Variants in RNGTT observed in about 807,000 individuals in gnomAD.
RNGTT encodes RNA guanylyltransferase and 5'-phosphatase.
Under a neutral mutation model 79.3 loss-of-function variants are expected in RNGTT, and 33 were observed. The observed-to-expected ratio is 0.42, with a 90% CI of 0.32 to 0.56. RNGTT has a LOEUF of 0.56. Among genes scored for constraint, RNGTT ranks in the 20% least tolerant of loss-of-function variants. RNGTT has a pLI of 0.17. For synonymous variants in RNGTT, 222 were observed against 235.9 expected, an observed-to-expected ratio of 0.94 and a Z score of 0.54; for missense variants, 497 against 739.1, an observed-to-expected ratio of 0.67 and a Z score of 3.80.
chr6:88,749,212 G>GT (rs1338449833), intron 13 of RNGTT, among the ~76,000 whole-genome samples: 1 of 152,080 alleles, frequency 6.6e-6, no homozygotes, highest in African/African-American at 2.4e-5. Flanking sequence ...AAAATCTGAA[G>GT]TAATAGAAGG....
At chr6:88,752,059 C>A (rs1263276336) in intron 13 of RNGTT, among the ~76,000 whole-genome samples, 1 of 152,052 alleles carries the variant, frequency 6.6e-6, no homozygotes, top group African/African-American at 2.4e-5. Flanking sequence ...ATATGAGTTC[C>A]ATTTTCCAGA....
intron 13 of RNGTT, among the ~76,000 whole-genome samples, chr6:88,761,862 G>A (rs1448078759): frequency 6.6e-6 from 1 of 152,186 alleles, no homozygotes; most frequent in African/African-American, 2.4e-5. Context: ...AGCAGCATTT[G>A]CTAAAGTGAT....
chr6:88,735,226 T>C (rs1012017841), intron 13 of RNGTT, among the ~76,000 whole-genome samples: 2 of 152,140 alleles, frequency 1.3e-5, no homozygotes, highest in Non-Finnish European at 2.9e-5. Flanking sequence ...TCCACTGTTA[T>C]GTAGCTAGAA....
chr6:88,893,141 A>T (rs1353127264), intron 6 of RNGTT, among the ~76,000 whole-genome samples: 2 of 152,134 alleles, frequency 1.3e-5, no homozygotes, highest in Non-Finnish European at 2.9e-5. Flanking sequence ...GAGTATTTTT[A>T]AAAGAAAGCT....
At chr6:88,939,798 G>A (rs571850487) in intron 2 of RNGTT, among the ~76,000 whole-genome samples, 50 of 150,298 alleles carry the variant, frequency 3.3e-4, no homozygotes, top group East Asian at 5.9e-4. Context: ...TCACACTATC[G>A]CCCAGGCTGC....
At position 88,644,322 on chromosome 6, in the gene RNGTT, T is replaced by C. The variant is rs1206773838; in HGVS notation, c.1507-29927A>G. 2.0e-5 allele frequency among the ~76,000 whole-genome samples: 3 copies of C among 152,134 alleles called. No homozygotes were observed. The East Asian group carries it at 5.8e-4, about 29-fold the overall frequency. ...ACCAGGAAGAAGTTGAATCTCTGAA[T>C]AGACCAATAACAGGCTCTGAAATTG... is the stretch of plus-strand genomic sequence containing the variant. On this transcript the variant is annotated intron_variant, in intron 14 of 15. Transcript: ENST00000369485.
chr6:88,740,234 G>A (rs1033680472), intron 13 of RNGTT, among the ~76,000 whole-genome samples: 1 of 151,974 alleles, frequency 6.6e-6, no homozygotes, highest in South Asian at 2.1e-4. Flanking sequence ...AAATGAAAAC[G>A]GGATCAGGCA....
At chr6:88,743,710 C>G (rs1180382632) in intron 13 of RNGTT, among the ~76,000 whole-genome samples, 1 of 152,180 alleles carries the variant, frequency 6.6e-6, no homozygotes, top group Non-Finnish European at 1.5e-5. Flanking sequence ...TTTTGCTTAA[C>G]CATTCATCTA....
intron 8 of RNGTT, among the ~76,000 whole-genome samples, chr6:88,881,608 A>C (rs1322309318): frequency 6.6e-6 from 1 of 152,180 alleles, no homozygotes; most frequent in Non-Finnish European, 1.5e-5. Context: ...TTTGAATTTC[A>C]ATGTGAGACA....
chr6:88,648,357 T>A (rs929329095), intron 14 of RNGTT, among the ~76,000 whole-genome samples: 4 of 152,092 alleles, frequency 2.6e-5, no homozygotes. Context: ...GCAGTCTGCA[T>A]TGTTGTCAAC....
At chr6:88,662,523 A>G (rs1471863397) in intron 14 of RNGTT, among the ~76,000 whole-genome samples, 1 of 152,212 alleles carries the variant, frequency 6.6e-6, no homozygotes, top group Non-Finnish European at 1.5e-5. Flanking sequence ...CAATGCTCCC[A>G]GCTGATTAAA....
At chr6:88,931,674 T>C (rs1393550019) in intron 2 of RNGTT, among the ~76,000 whole-genome samples, 4 of 152,184 alleles carry the variant, frequency 2.6e-5, no homozygotes, top group Non-Finnish European at 5.9e-5. Flanking sequence ...AAGAACAGTA[T>C]ACATGGCCAT....
chr6:88,724,773 A>G (rs1378464853), intron 13 of RNGTT, among the ~76,000 whole-genome samples: 4 of 152,204 alleles, frequency 2.6e-5, no homozygotes, highest in African/African-American at 9.7e-5. Context: ...CTCGTAAAGC[A>G]ACCTTTTTCG....
At chr6:88,780,940 T>C (rs1779042776) in intron 12 of RNGTT, among the ~76,000 whole-genome samples, 2 of 152,140 alleles carry the variant, frequency 1.3e-5, no homozygotes, top group Non-Finnish European at 2.9e-5. Context: ...TATTTGGCAA[T>C]GCGTGGAGAC....
chr6:88,617,759 GTAGTA>G (rs1582238872), intron 14 of RNGTT, among the ~76,000 whole-genome samples: 1 of 151,950 alleles, frequency 6.6e-6, no homozygotes, highest in East Asian at 1.9e-4. Flanking sequence ...ATGCATTTTA[GTAGTA>G]TAGATGTTTT....
At chr6:88,740,166 G>A (rs918832319) in intron 13 of RNGTT, among the ~76,000 whole-genome samples, 10 of 152,026 alleles carry the variant, frequency 6.6e-5, no homozygotes, top group African/African-American at 2.4e-4. Context: ...AAGCAAGAGG[G>A]CTACTCTAGA....
chr6:88,829,287 C>T (rs560661303), intron 11 of RNGTT, among the ~76,000 whole-genome samples: 43 of 152,076 alleles, frequency 2.8e-4, no homozygotes, highest in African/African-American at 8.2e-4. Flanking sequence ...GCTTCATAAG[C>T]GAAGGAGAAA....
intron 8 of RNGTT, among the ~76,000 whole-genome samples, chr6:88,878,229 AG>A (rs1562298395): frequency 6.6e-6 from 1 of 151,832 alleles, no homozygotes; most frequent in African/African-American, 2.4e-5. Flanking sequence ...CCAGGTAGCT[AG>A]GATTACAGAT....
chr6:88,769,876 T>TG lies in RNGTT; in HGVS notation c.1339-3_1339-2insC. The TG allele has an allele frequency of 6.3e-7, 1 of 1,589,572 alleles. No individual in the cohort carries two copies. The highest frequency in any genetic ancestry group is 8.6e-7 in the Non-Finnish European group (1 of 1,160,130). ...ATCACATCGACCAGGTTTGTATTTC[T>TG]AAAGCCAATTAAAATGATGACAATC... On this transcript the variant is annotated splice_region_variant and splice_polypyrimidine_tract_variant and intron_variant, in intron 12 of 15. Transcript: ENST00000369485.
Sources: allele counts gnomAD v4.1 joint callset (sites outside exome capture counted in the v4.1 genomes callset), GRCh38; gene constraint gnomAD v4.1.1; transcripts MANE v1.5; gene names NCBI Gene and HGNC (gene_info 2026-07-23, HGNC 2026-07-21).